SAP130: variants seen among roughly 807,000 people sequenced by gnomAD.
SAP130 encodes the protein Sin3A associated protein 130, also known as histone deacetylase complex subunit SAP130.
Under a neutral mutation model 103.2 loss-of-function variants are expected in SAP130, and 16 were observed. The ratio of observed to expected loss-of-function variants is 0.16; its 90% confidence interval spans 0.10 to 0.24. SAP130 has a LOEUF of 0.24. Ranked by LOEUF, SAP130 falls within the 10% of genes least tolerant of loss-of-function variation. The probability of loss-of-function intolerance (pLI) is 1.00; values close to 1 mark genes in which losing one functional copy is unlikely to be tolerated. For missense variants in SAP130, 990 were observed against 1,359.7 expected, an observed-to-expected ratio of 0.73 and a Z score of 4.28; for synonymous variants, 477 against 497.0, an observed-to-expected ratio of 0.96 and a Z score of 0.53.
At chr2:127,974,275 G>A (rs1489995682) in intron 15 of SAP130, among the ~76,000 whole-genome samples, 1 of 152,078 alleles carries the variant, frequency 6.6e-6, no homozygotes, top group African/African-American at 2.4e-5. Context: ...AAAATCCAAA[G>A]GCTTCTGAAT....
rs186416609 is a variant in SAP130 at position 127,991,460 on chromosome 2, C to T, written c.1478-1594G>A. 1.1e-3 allele frequency among the ~76,000 whole-genome samples: 169 copies of T among 151,998 alleles called. 1 individual carries two copies. The highest frequency in any genetic ancestry group is 3.5e-3 in the East Asian group (18 of 5,164). ...GGCCAAGCAATCCTCCTGCCTCAGC[C>T]TCCCAAGCAGCTGGGACTACAGCAC... On this transcript the variant is annotated intron_variant, in intron 12 of 20. Transcript: ENST00000643581.
In SAP130 at chr2:127,955,004, T is replaced by C; in HGVS notation, c.2404A>G (p.Ile802Val). Residue 802 changes from isoleucine to valine, a missense_variant, in exon 16 of 21, where the codon ATC becomes GTC. By Grantham distance (29) the Ile-to-Val change is conservative (BLOSUM62 3). This residue lies in a region of SAP130 where 349 missense variants were observed against 384.1 expected (regional missense o/e 0.91). Transcript: ENST00000643581. The surrounding 1 kb of genome is among the most constrained non-coding windows in gnomAD (Gnocchi z 4.9). Reference sequence around the variant, plus strand: ...GACTTACCAGAAACTGGCCTCATGATATCCATTGGTTCTACTTCTTCTTTC... The same window carrying C: ...GACTTACCAGAAACTGGCCTCATGACATCCATTGGTTCTACTTCTTCTTTC... The part of the protein sequence containing the change: ...KVKEEVEPMD[I>V]MRPVSAVPPL... 6.2e-7 allele frequency: 1 copy of C among 1,610,746 alleles called. No homozygotes were observed. Among genetic ancestry groups the C allele is most frequent in the Non-Finnish European group, 8.5e-7 (1 of 1,177,820 alleles).
chr2:128,011,797 C>A (rs544729170), intron 6 of SAP130, among the ~76,000 whole-genome samples: 1 of 152,174 alleles, frequency 6.6e-6, no homozygotes, highest in Non-Finnish European at 1.5e-5. Flanking sequence ...GTATGTGATT[C>A]AGCTAGATTA....
intron 4 of SAP130, 85 bp downstream of exon 4, chr2:128,016,304 C>A: frequency 1.5e-6 from 2 of 1,374,700 alleles, no homozygotes; most frequent in East Asian, 2.3e-5. Flanking sequence ...ATTACCGTGA[C>A]TAATGTACTG....
At chr2:128,010,948 T>C (rs1684348442) in intron 6 of SAP130, among the ~76,000 whole-genome samples, 2 of 137,074 alleles carry the variant, frequency 1.5e-5, no homozygotes, top group Non-Finnish European at 3.1e-5. Flanking sequence ...TGACAAGTGT[T>C]TTGAAAAAAA....
intron 16 of SAP130, among the ~76,000 whole-genome samples, chr2:127,952,559 A>G (rs1046521712): frequency 1.3e-5 from 2 of 151,532 alleles, no homozygotes; most frequent in Non-Finnish European, 1.5e-5. Flanking sequence ...TAATGTCTCT[A>G]TCTCTCCTGG....
intron 2 of SAP130, among the ~76,000 whole-genome samples, chr2:128,018,484 A>AC (rs1491462255): frequency 3.7e-5 from 1 of 26,724 alleles, no homozygotes; most frequent in African/African-American, 3.7e-4. Context: ...GATTGTCTCC[A>AC]AAAAAAAAAA....
intron 18 of SAP130, among the ~76,000 whole-genome samples, chr2:127,946,361 G>A (rs1056145708): frequency 2.0e-5 from 3 of 152,148 alleles, no homozygotes; most frequent in African/African-American, 7.2e-5. Flanking sequence ...TAAGACAGCT[G>A]GGGGAGCCTT....
In SAP130 at chr2:127,990,249, G is replaced by C. The variant is rs536120444; in HGVS notation, c.1478-383C>G. The stretch of plus-strand genomic sequence containing the variant: ...AATTGATAGGGCCACTATCACAGGT[G>C]GTTTTGAAATACAGTAGTTATGAAT... On this transcript the variant is annotated intron_variant, in intron 12 of 20. Coordinates refer to ENST00000643581, the MANE Select transcript of SAP130 (RefSeq NM_001330301.2). Among the ~76,000 whole-genome samples the C allele has an allele frequency of 2.0e-5, 3 of 152,136 alleles. No homozygotes were observed. In the South Asian group the frequency reaches 6.2e-4, roughly 32 times the overall value.
intron 7 of SAP130, 149 bp from the exon 8 acceptor site, chr2:128,000,603 G>T: frequency 1.2e-6 from 1 of 816,430 alleles, no homozygotes. Context: ...TGTGGCAAAA[G>T]GTGCACTGAG....
chr2:128,027,783 G>A (rs970445030), intron 1 of SAP130, among the ~76,000 whole-genome samples, 157 bp downstream of exon 1: 2 of 152,026 alleles, frequency 1.3e-5, no homozygotes, highest in Non-Finnish European at 2.9e-5. Context: ...CAACCGCCGT[G>A]ACCAGCTCGC....
intron 15 of SAP130, among the ~76,000 whole-genome samples, chr2:127,968,370 C>A (rs930712280): frequency 2.0e-5 from 3 of 150,598 alleles, no homozygotes; most frequent in African/African-American, 7.3e-5. Context: ...ATCGGCCTCC[C>A]AAAGTGTTGA....
Position 127,996,469 on chromosome 2 carries a change from G to C in SAP130, c.1236C>G (p.Ile412Met). 5.0e-6 allele frequency: 8 copies of C among 1,586,874 alleles called. No homozygotes were observed. Among genetic ancestry groups the C allele is most frequent in the Non-Finnish European group, 6.9e-6 (8 of 1,165,858 alleles). The change falls in exon 11 of 21, where the codon ATC (isoleucine) becomes ATG (methionine). Residue 412 changes from isoleucine to methionine, a missense_variant. Around this residue, in one of 6 missense-constraint regions of SAP130, gnomAD observed 336 missense variants for 520.1 expected, o/e 0.65. Transcript: ENST00000643581. This position sits in a 1 kb window ranked among gnomAD's most constrained non-coding sequence, Gnocchi z 4.3. The stretch of plus-strand genomic sequence containing the variant: ...GCTGGATCCGAGGAGAAGTGTGCGT[G>C]ATCTGCTGGGGCACCACCTTGGCTG... ...IPVAKVVPQQITHTSPRIQPD... is the reference protein window; with the variant it reads ...IPVAKVVPQQMTHTSPRIQPD...
At position 127,954,558 on chromosome 2, in the gene SAP130, C is replaced by G. The variant is rs530127196; in HGVS notation, c.2422+428G>C. On this transcript the variant is annotated intron_variant, in intron 16 of 20. Transcript: ENST00000643581. The stretch of plus-strand genomic sequence containing the variant: ...TGAATTGTTTTAAGATTTTACTAAT[C>G]ACATATAGGTTTTTCAGCAACACAA... 3.3e-5 allele frequency among the ~76,000 whole-genome samples: 5 copies of G among 152,152 alleles called. No individual in the cohort carries two copies. The East Asian group carries it at 9.6e-4, about 29-fold the overall frequency.
At chr2:128,024,007 T>C (rs1685330137) in intron 2 of SAP130, among the ~76,000 whole-genome samples, 1 of 151,626 alleles carries the variant, frequency 6.6e-6, no homozygotes, top group African/African-American at 2.4e-5. Flanking sequence ...AGTAAGTATA[T>C]GGAAAGAAAC....
intron 15 of SAP130, among the ~76,000 whole-genome samples, chr2:127,961,178 T>C (rs1048098675): frequency 6.6e-6 from 1 of 151,768 alleles, no homozygotes; most frequent in Non-Finnish European, 1.5e-5. Flanking sequence ...TTTGTAGAGA[T>C]AGAGTTTCGC....
At chr2:128,024,502 C>T (rs768861770) in intron 2 of SAP130, among the ~76,000 whole-genome samples, 1 of 151,966 alleles carries the variant, frequency 6.6e-6, no homozygotes, top group Non-Finnish European at 1.5e-5. Flanking sequence ...TTACTTGAGT[C>T]CAGGAGTTTG....
At chr2:128,013,746 C>T (rs766631390) in intron 5 of SAP130, among the ~76,000 whole-genome samples, 8 of 152,162 alleles carry the variant, frequency 5.3e-5, no homozygotes, top group Non-Finnish European at 1.0e-4. Flanking sequence ...TATTACCTCA[C>T]AACCTATTAG....
intron 15 of SAP130, among the ~76,000 whole-genome samples, chr2:127,960,918 A>G (rs1680195891): frequency 6.6e-6 from 1 of 152,136 alleles, no homozygotes; most frequent in South Asian, 2.1e-4. Flanking sequence ...ATGAAATATA[A>G]TAATTTCTTG....
Sources: allele counts gnomAD v4.1 joint callset (sites outside exome capture counted in the v4.1 genomes callset), GRCh38; gene constraint gnomAD v4.1.1; regional missense constraint gnomAD v4.1.1; non-coding constraint Gnocchi (gnomAD v3.1); transcripts MANE v1.5; gene names NCBI Gene and HGNC (gene_info 2026-07-23, HGNC 2026-07-21).